Variants in ZNF652 observed in about 807,000 individuals in gnomAD.
ZNF652 encodes the protein zinc finger protein 652.
In ZNF652, 16 loss-of-function variants were observed where a neutral mutation model predicts 45.2. That is an observed-to-expected ratio of 0.35 (90% CI 0.24 to 0.54). ZNF652 has a LOEUF of 0.54. ZNF652 is among the 20% of genes least tolerant of loss of function. The pLI is 0.91. For synonymous variants in ZNF652, 250 were observed against 260.6 expected, an observed-to-expected ratio of 0.96 and a Z score of 0.39; for missense variants, 614 against 765.6, an observed-to-expected ratio of 0.80 and a Z score of 2.34.
chr17:49,346,568 T>C (rs1231694271), intron 1 of ZNF652, among the ~76,000 whole-genome samples: 3 of 151,556 alleles, frequency 2.0e-5, no homozygotes, highest in African/African-American at 7.3e-5. Flanking sequence ...ACAAACAAAC[T>C]ACTATTCCTA....
chr17:49,328,496 G>C (rs891536808), intron 1 of ZNF652, among the ~76,000 whole-genome samples: 4 of 152,114 alleles, frequency 2.6e-5, no homozygotes, highest in Admixed American at 6.5e-5. Flanking sequence ...GGAGGTGTTT[G>C]GGTCATGGGG....
chr17:49,297,774 C>T lies in ZNF652; in HGVS notation c.*639G>A, dbSNP rs574127565. On this transcript the variant is annotated 3_prime_UTR_variant, in exon 6 of 6. Coordinates refer to ENST00000430262, the MANE Select transcript of ZNF652 (RefSeq NM_001145365.3). ...AGGTTCAGCTACACTGAAAAAATTA[C>T]ACTGCTTATTGAAATACATTTCATT... is the stretch of plus-strand genomic sequence containing the variant. The T allele has an allele frequency of 7.2e-5, 11 of 152,602 alleles. No individual in the cohort carries two copies. The highest frequency in any genetic ancestry group is 5.2e-4 in the Admixed American group (8 of 15,272). 9.5% of individuals were successfully genotyped at this position (152,602 alleles called of 1,614,324 possible). A position where few individuals can be genotyped will look rare whatever the true frequency, so the allele number is the denominator to read the frequency against.
At chr17:49,352,946 C>T (rs1038305896) in intron 1 of ZNF652, among the ~76,000 whole-genome samples, 6 of 151,990 alleles carry the variant, frequency 3.9e-5, no homozygotes, top group Non-Finnish European at 8.8e-5. Flanking sequence ...GACAACAGAT[C>T]GATAGTTGCC....
intron 1 of ZNF652, among the ~76,000 whole-genome samples, chr17:49,340,159 A>T (rs2070129233): frequency 6.6e-6 from 1 of 152,222 alleles, no homozygotes; most frequent in Non-Finnish European, 1.5e-5. Flanking sequence ...TCACGCCTGT[A>T]ATCCCAACAC....
intron 1 of ZNF652, among the ~76,000 whole-genome samples, chr17:49,346,025 C>T (rs2070201618): frequency 6.6e-6 from 1 of 152,114 alleles, no homozygotes; most frequent in Admixed American, 6.6e-5. Flanking sequence ...TTATTGAGCA[C>T]CTGCCATGTG....
At chr17:49,299,733 G>A (rs1450376532) in intron 5 of ZNF652, among the ~76,000 whole-genome samples, 1 of 151,966 alleles carries the variant, frequency 6.6e-6, no homozygotes, top group Non-Finnish European at 1.5e-5. Flanking sequence ...CTGGGGTGCA[G>A]TGGTGTGATC....
rs2069833170 is a variant in ZNF652 at position 49,317,896 on chromosome 17, A to T, written c.-171T>A. 2 of 733,788 alleles carry T rather than the reference A, an allele frequency of 2.7e-6. No individual in the cohort carries two copies. Among genetic ancestry groups the T allele is most frequent in the East Asian group, 2.8e-5 (1 of 35,354 alleles). The allele number at this position is 733,788 out of a possible 1,614,324, so 45.5% of individuals were successfully genotyped here. A position where few individuals can be genotyped will look rare whatever the true frequency, so the allele number is the denominator to read the frequency against. On this transcript the variant is annotated 5_prime_UTR_variant, in exon 2 of 6. Coordinates refer to ENST00000430262, the MANE Select transcript of ZNF652 (RefSeq NM_001145365.3). The stretch of plus-strand genomic sequence containing the variant: ...TCCAGTGTTGCAGCACCAAAGCATG[A>T]GTCAAAAAGGTTTGGTATTATGGCA...
intron 1 of ZNF652, among the ~76,000 whole-genome samples, chr17:49,350,998 TATATATATATATATATACACACAC>T (rs1363539548): frequency 3.5e-4 from 8 of 22,594 alleles, no homozygotes; most frequent in African/African-American, 1.1e-3. Context: ...TATATATATA[TATATATATATATATATACACACAC>T]ACACACACAC....
rs2069414247 is a variant in ZNF652, at chr17:49,292,293, A to G, written c.*6120T>C. 6.6e-6 allele frequency among the ~76,000 whole-genome samples: 1 copy of G among 151,912 alleles called. No individual in the cohort carries two copies. The highest frequency in any genetic ancestry group is 1.5e-5 in the Non-Finnish European group (1 of 67,980). Reference sequence around the variant, plus strand: ...AGACCTGTCCACAGCACAAACTTCCACTCTGGCTGTGAAGGACTAGCCAAT... The same window carrying G: ...AGACCTGTCCACAGCACAAACTTCCGCTCTGGCTGTGAAGGACTAGCCAAT... On this transcript the variant is annotated 3_prime_UTR_variant, in exon 6 of 6. Transcript: ENST00000430262.
chr17:49,320,385 T>C (rs2069873874), intron 1 of ZNF652, among the ~76,000 whole-genome samples: 1 of 152,244 alleles, frequency 6.6e-6, no homozygotes, highest in Non-Finnish European at 1.5e-5. Flanking sequence ...TTCTTGTATT[T>C]ATAAATGGTA....
intron 1 of ZNF652, among the ~76,000 whole-genome samples, chr17:49,332,037 A>G (rs2070030843): frequency 6.6e-6 from 1 of 152,158 alleles, no homozygotes; most frequent in Admixed American, 6.6e-5. Flanking sequence ...TAATCCCAGC[A>G]TTTTGGGAGG....
In ZNF652 at chr17:49,298,603, G is replaced by A; in HGVS notation, c.1631C>T (p.Pro544Leu). Residue 544 changes from proline to leucine, a missense_variant, in exon 6 of 6, where the codon CCC becomes CTC. Pro to Leu is a moderately conservative substitution (Grantham distance 98). Coordinates refer to ENST00000430262, the MANE Select transcript of ZNF652 (RefSeq NM_001145365.3). ...GATGTGCAGGTGTGAGAAGGGGTGG[G>A]GGATGGGCCGAGGGGGAAGAGTGCT... ...PVSTLPPRPI[P>L]HPFSHLHIHP... is the part of the protein sequence containing the mutation. 6.2e-7 allele frequency: 1 copy of A among 1,613,016 alleles called. No homozygotes were observed. Among genetic ancestry groups the A allele is most frequent in the African/African-American group, 1.3e-5 (1 of 74,950 alleles).
intron 1 of ZNF652, among the ~76,000 whole-genome samples, chr17:49,336,905 C>A (rs146934011): frequency 6.7e-6 from 1 of 149,046 alleles, no homozygotes; most frequent in South Asian, 2.1e-4. Flanking sequence ...TAGGCATGAG[C>A]GACCACACCC....
At position 49,347,607 on chromosome 17, in the gene ZNF652, G is replaced by A. The variant is rs191681423; in HGVS notation, c.-259+14302C>T. On this transcript the variant is annotated intron_variant, in intron 1 of 5. Transcript: ENST00000430262. ...TGCAACCCCTAATGAATGGATGTAGGCAAAAAGATCATCAATGACTCATAA... is the reference window on the plus strand; with the variant it reads ...TGCAACCCCTAATGAATGGATGTAGACAAAAAGATCATCAATGACTCATAA... Among the ~76,000 whole-genome samples the A allele has an allele frequency of 1.4e-3, 217 of 151,924 alleles. 1 individual carries two copies. The highest frequency in any genetic ancestry group is 4.9e-3 in the African/African-American group (205 of 41,436).
chr17:49,336,903 A>C, intron 1 of ZNF652, among the ~76,000 whole-genome samples: 1 of 146,402 alleles, frequency 6.8e-6, no homozygotes. Context: ...TATAGGCATG[A>C]GCGACCACAC....
rs2069732273 is a variant in ZNF652, at chr17:49,312,636, C to T, written c.1048+62G>A. On this transcript the variant is annotated intron_variant, in intron 3 of 5. Transcript: ENST00000430262. ...TCCTCATATCCTGCCCAATCCAGGG[C>T]ATAAAGCACACAGAAGAACAAGGGA... The T allele has an allele frequency of 3.2e-6, 5 of 1,561,780 alleles. No individual in the cohort carries two copies. In the African/African-American group the frequency reaches 6.8e-5, roughly 21 times the overall value.
In ZNF652 at chr17:49,292,679, T is replaced by C. The variant is rs1157249991; in HGVS notation, c.*5734A>G. Among the ~76,000 whole-genome samples, 1 of 152,096 alleles carries C rather than the reference T, an allele frequency of 6.6e-6. No homozygotes were observed. Among genetic ancestry groups the C allele is most frequent in the East Asian group, 1.9e-4 (1 of 5,198 alleles). On this transcript the variant is annotated 3_prime_UTR_variant, in exon 6 of 6. Coordinates refer to ENST00000430262, the MANE Select transcript of ZNF652 (RefSeq NM_001145365.3). Reference sequence around the variant, plus strand: ...AAAAAGGTGTTCAAAAGACATTCAATGACCTTTAATTTTAAAGGAACGTCA... The same window carrying C: ...AAAAAGGTGTTCAAAAGACATTCAACGACCTTTAATTTTAAAGGAACGTCA...
rs149609663 is a variant in ZNF652 at position 49,334,310 on chromosome 17, G to T, written c.-258-16327C>A. Among the ~76,000 whole-genome samples the T allele has an allele frequency of 2.1e-3, 323 of 152,120 alleles. 3 individuals are homozygous for T. Among genetic ancestry groups the T allele is most frequent in the Non-Finnish European group, 2.8e-3 (189 of 68,006 alleles). On this transcript the variant is annotated intron_variant, in intron 1 of 5. Transcript: ENST00000430262. ...AGCCTGGTCAACATAGCAAGACCTCGTCTCTACAAAAAGTTTTTCAAAAAT... is the reference window on the plus strand; with the variant it reads ...AGCCTGGTCAACATAGCAAGACCTCTTCTCTACAAAAAGTTTTTCAAAAAT...
chr17:49,362,279 G>A (rs528210113), upstream of ZNF652: 810 of 149,212 alleles, frequency 5.4e-3, 5 homozygotes, highest in Admixed American at 8.3e-3. Context: ...GCCCGCGCGC[G>A]CCCGCGGCCC....
Sources: gnomAD v4.1 joint callset for allele counts (sites outside exome capture counted in the v4.1 genomes callset) on GRCh38, gnomAD v4.1.1 for gene constraint, MANE v1.5 for transcripts, NCBI Gene and HGNC (gene_info 2026-07-23, HGNC 2026-07-21) for gene names.